GPR137B: variants seen among roughly 807,000 people sequenced by gnomAD.
The protein encoded by GPR137B is G protein-coupled receptor 137B.
A neutral mutation model predicts 42.5 loss-of-function variants in GPR137B; 42 were observed. The ratio of observed to expected loss-of-function variants is 0.99; its 90% CI spans 0.77 to 1.28. GPR137B has a LOEUF of 1.28. Ranked by LOEUF, GPR137B falls within the 50% of genes most tolerant of loss-of-function variation. The pLI is 0.00. For missense variants in GPR137B, 487 were observed against 493.9 expected (o/e 0.99, Z 0.13); for synonymous variants, 218 against 209.7 (o/e 1.04, Z -0.34).
Position 236,186,338 on chromosome 1 carries a change from TA to T in GPR137B, c.966+2433del, listed in dbSNP as rs1278044960. On this transcript the variant is annotated intron_variant, in intron 5 of 6. Transcript: ENST00000366592. Reference sequence around the variant, plus strand: ...ATAATATAAATAATATATAATTATATATATTATATAATATATATTATTAAGT... The same window carrying T: ...ATAATATAAATAATATATAATTATATTATTATATAATATATATTATTAAGT... Among the ~76,000 whole-genome samples the T allele has an allele frequency of 5.4e-4, 50 of 93,150 alleles. 1 individual carries two copies. Among genetic ancestry groups the T allele is most frequent in the African/African-American group, 1.7e-3 (48 of 28,420 alleles). The allele number at this position is 93,150 out of a possible 152,430, so 61.1% of individuals were successfully genotyped here.
chr1:236,190,876 G>T (rs918645908), intron 5 of GPR137B, among the ~76,000 whole-genome samples: 1 of 152,118 alleles, frequency 6.6e-6, no homozygotes, highest in African/African-American at 2.4e-5. Context: ...TCCTGAATTT[G>T]AATGTTGGCC....
At chr1:236,194,596 A>G (rs1663286601) in intron 5 of GPR137B, among the ~76,000 whole-genome samples, 1 of 152,200 alleles carries the variant, frequency 6.6e-6, no homozygotes, top group South Asian at 2.1e-4. Context: ...ATGTCAAAAC[A>G]TATGCCTGAT....
rs1274616319 is a variant in GPR137B at position 236,186,280 on chromosome 1, A to ATATT, written c.966+2374_966+2375insTATT. On this transcript the variant is annotated intron_variant, in intron 5 of 6. Transcript: ENST00000366592. Reference sequence around the variant, plus strand: ...ATATATATTATATATTATATATAATAATATAAATAATATATAATATATATT... The same window carrying ATATT: ...ATATATATTATATATTATATATAATATATTATATAAATAATATATAATATATATT... 2.9e-3 allele frequency among the ~76,000 whole-genome samples: 248 copies of ATATT among 85,574 alleles called. 52 individuals carry two copies. Among genetic ancestry groups the ATATT allele is most frequent in the African/African-American group, 0.012 (240 of 20,248 alleles). 56.1% of individuals were successfully genotyped at this position (85,574 alleles called of 152,430 possible).
chr1:236,176,476 C>T (rs1662689786), intron 2 of GPR137B, among the ~76,000 whole-genome samples: 2 of 152,216 alleles, frequency 1.3e-5, no homozygotes, highest in South Asian at 4.1e-4. Context: ...ACCTTCCTGC[C>T]CCCTGAGCTG....
chr1:236,164,886 A>AAGAGAGAG (rs10581092), intron 1 of GPR137B, among the ~76,000 whole-genome samples: 24 of 143,976 alleles, frequency 1.7e-4, no homozygotes, highest in Admixed American at 9.8e-4. Context: ...AGATGAATTC[A>AAGAGAGAG]AGAGAGAGAG....
chr1:236,161,210 TCA>T (rs1662184344), intron 1 of GPR137B, among the ~76,000 whole-genome samples: 1 of 152,068 alleles, frequency 6.6e-6, no homozygotes, highest in Admixed American at 6.6e-5. Flanking sequence ...GGGACCTCTC[TCA>T]CAGCACAGGT....
chr1:236,165,096 G>C (rs895218127), intron 1 of GPR137B, among the ~76,000 whole-genome samples: 1 of 152,154 alleles, frequency 6.6e-6, no homozygotes, highest in African/African-American at 2.4e-5. Flanking sequence ...GAGGAGACAG[G>C]GTTTCACCAT....
At chr1:236,186,082 T>G (rs12074755) in intron 5 of GPR137B, among the ~76,000 whole-genome samples, 12,219 of 149,996 alleles carry the variant, frequency 0.081, 1,463 homozygotes, top group African/African-American at 0.26. Context: ...AAGATTCGTC[T>G]ACGTTGTAAC....
chr1:236,148,072 G>C (rs1463007528), intron 1 of GPR137B, among the ~76,000 whole-genome samples: 1 of 152,234 alleles, frequency 6.6e-6, no homozygotes, highest in Non-Finnish European at 1.5e-5. Flanking sequence ...CGGGACCAAG[G>C]CTTTGCACCA....
In GPR137B at chr1:236,201,855, C is replaced by T. The variant is rs115234755; in HGVS notation, c.967-3271C>T. Among the ~76,000 whole-genome samples, 428 of 152,082 alleles carry T rather than the reference C, an allele frequency of 2.8e-3. 9 individuals carry two copies. The highest frequency in any genetic ancestry group is 9.3e-3 in the African/African-American group (383 of 41,386). On this transcript the variant is annotated intron_variant, in intron 5 of 6. Transcript: ENST00000366592. Reference sequence around the variant, plus strand: ...TTGTCATATTACCAGAACTGCTTTTCTGATTCCTTCTCATGTGGGTAGACT... The same window carrying T: ...TTGTCATATTACCAGAACTGCTTTTTTGATTCCTTCTCATGTGGGTAGACT...
At chr1:236,204,735 A>G (rs1572012773) in intron 5 of GPR137B, among the ~76,000 whole-genome samples, 1 of 152,180 alleles carries the variant, frequency 6.6e-6, no homozygotes, top group East Asian at 1.9e-4. Context: ...AGGTAGAATA[A>G]AAGACTTGTT....
Position 236,180,039 on chromosome 1 carries a change from G to A in GPR137B, c.837+11G>A. On this transcript the variant is annotated intron_variant, in intron 4 of 6. Coordinates refer to ENST00000366592, the MANE Select transcript of GPR137B (RefSeq NM_003272.4). Reference sequence around the variant, plus strand: ...AATGTATCAGACCAGGTCAGTGGGGGCGCTGAGGAGGTGTCACCTGACCAG... The same window carrying A: ...AATGTATCAGACCAGGTCAGTGGGGACGCTGAGGAGGTGTCACCTGACCAG... The A allele has an allele frequency of 6.2e-7, 1 of 1,610,632 alleles. No homozygotes were observed. The highest frequency in any genetic ancestry group is 8.5e-7 in the Non-Finnish European group (1 of 1,176,846).
intron 1 of GPR137B, among the ~76,000 whole-genome samples, chr1:236,146,467 GC>G: frequency 6.6e-6 from 1 of 152,260 alleles, no homozygotes; most frequent in East Asian, 1.9e-4. Flanking sequence ...TGGGGAGGAA[GC>G]TTTTTTCTGT....
At chr1:236,179,457 T>C (rs963785654) in intron 3 of GPR137B, among the ~76,000 whole-genome samples, 10 of 152,070 alleles carry the variant, frequency 6.6e-5, no homozygotes, top group African/African-American at 2.2e-4. Flanking sequence ...CGTCCTGAGC[T>C]CTGCCCCAGC....
At chr1:236,207,129 T>C (rs1377244737) in intron 6 of GPR137B, 2 of 984,910 alleles carry the variant, frequency 2.0e-6, no homozygotes, top group Non-Finnish European at 1.2e-6. Flanking sequence ...AGTCCTTGTT[T>C]TAGGGACAGA....
Position 236,180,633 on chromosome 1 carries a change from A to ATT in GPR137B, c.837+622_837+623dup, listed in dbSNP as rs544204649. Among the ~76,000 whole-genome samples the ATT allele has an allele frequency of 1.1e-3, 156 of 138,504 alleles. 1 individual carries two copies. The highest frequency in any genetic ancestry group is 7.4e-3 in the South Asian group (32 of 4,308). 90.9% of individuals were successfully genotyped at this position (138,504 alleles called of 152,430 possible). A position where few individuals can be genotyped will look rare whatever the true frequency, so the allele number is the denominator to read the frequency against. On this transcript the variant is annotated intron_variant, in intron 4 of 6. Transcript: ENST00000366592. The stretch of plus-strand genomic sequence containing the variant: ...TAGGGCTTTTATTAAGCAGTACTTA[A>ATT]TTTTTTTTTTTTTTTTTTGAGACGG...
intron 2 of GPR137B, among the ~76,000 whole-genome samples, chr1:236,174,709 C>T (rs758372031): frequency 2.6e-5 from 4 of 152,130 alleles, no homozygotes; most frequent in Non-Finnish European, 5.9e-5. Flanking sequence ...GGGCTGGGTG[C>T]AGTGGCATGC....
At chr1:236,203,086 TTTTTG>T (rs960006510) in intron 5 of GPR137B, among the ~76,000 whole-genome samples, 2 of 152,134 alleles carry the variant, frequency 1.3e-5, no homozygotes, top group Non-Finnish European at 2.9e-5. Context: ...CTTTCTTTCT[TTTTTG>T]TTTTGAGACA....
rs1375137760 is a variant in GPR137B at position 236,155,816 on chromosome 1, T to C, written c.414+12780T>C. 6.6e-6 allele frequency among the ~76,000 whole-genome samples: 1 copy of C among 152,144 alleles called. No individual in the cohort carries two copies. The highest frequency in any genetic ancestry group is 1.5e-5 in the Non-Finnish European group (1 of 68,022). The stretch of plus-strand genomic sequence containing the variant: ...GGACAGTGAGTGGAGATGCCCTTTA[T>C]CTATAAAGGTAAAGACTGTTATCCC... On this transcript the variant is annotated intron_variant, in intron 1 of 6. Transcript: ENST00000366592. The surrounding 1 kb of genome is among the most constrained non-coding windows in gnomAD (Gnocchi z 4.6).
Sources: allele counts gnomAD v4.1 joint callset (sites outside exome capture counted in the v4.1 genomes callset), GRCh38; gene constraint gnomAD v4.1.1; non-coding constraint Gnocchi (gnomAD v3.1); transcripts MANE v1.5; gene names NCBI Gene and HGNC (gene_info 2026-07-23, HGNC 2026-07-21).